CENPP: variants seen among roughly 807,000 people sequenced by gnomAD.
The protein encoded by CENPP is centromere protein P.
In CENPP, 24 loss-of-function variants were observed where a neutral mutation model predicts 35.6. The observed-to-expected ratio is 0.67, with a 90% CI of 0.49 to 0.95. The LOEUF is 0.95. Ranked by LOEUF, CENPP falls within the 40% of genes least tolerant of loss-of-function variation. The probability of loss-of-function intolerance (pLI) is 0.00; values close to 1 mark genes in which losing one functional copy is unlikely to be tolerated. For missense variants in CENPP, 332 were observed against 345.3 expected, an observed-to-expected ratio of 0.96 and a Z score of 0.31; for synonymous variants, 120 against 125.5, an observed-to-expected ratio of 0.96 and a Z score of 0.29.
intron 4 of CENPP, among the ~76,000 whole-genome samples, chr9:92,351,010 A>G (rs1841426178): frequency 6.6e-6 from 1 of 152,210 alleles, no homozygotes; most frequent in African/African-American, 2.4e-5. Flanking sequence ...ACTAACACCT[A>G]CTAACACCCT....
In CENPP at chr9:92,586,589, G is replaced by A. The variant is rs146525424; in HGVS notation, c.565-24725G>A. Among the ~76,000 whole-genome samples, 1,220 of 152,308 alleles carry A rather than the reference G, an allele frequency of 8.0e-3. 23 individuals carry two copies. Among genetic ancestry groups the A allele is most frequent in the African/African-American group, 0.028 (1,152 of 41,566 alleles). On this transcript the variant is annotated intron_variant, in intron 5 of 7. Coordinates refer to ENST00000375587, the MANE Select transcript of CENPP (RefSeq NM_001012267.3). ...AGACTAGCTTTGCACCTCTGCTGGA[G>A]CAAGTAAGGGGTGAGGGCTAAGGCA...
At chr9:92,600,238 T>C in intron 5 of CENPP, 5 of 1,349,528 alleles carry the variant, frequency 3.7e-6, no homozygotes. Flanking sequence ...GGGCGTGGGA[T>C]CTGGCTTCTG....
At chr9:92,512,199 T>C (rs931513900) in intron 5 of CENPP, 7 of 932,256 alleles carry the variant, frequency 7.5e-6, no homozygotes, top group Middle Eastern at 2.2e-4. Flanking sequence ...TGGGCATGTG[T>C]GCATAGATAT....
chr9:92,514,274 C>CTTT (rs1044226766), intron 5 of CENPP, among the ~76,000 whole-genome samples: 22 of 130,746 alleles, frequency 1.7e-4, no homozygotes, highest in African/African-American at 4.2e-4. Flanking sequence ...GAGTCATTTA[C>CTTT]TTTTTTTTTT....
chr9:92,571,773 G>T (rs1476141240), intron 5 of CENPP, among the ~76,000 whole-genome samples: 1 of 152,116 alleles, frequency 6.6e-6, no homozygotes, highest in African/African-American at 2.4e-5. Context: ...CCTGTATTGG[G>T]TGCATATATA....
chr9:92,343,666 C>A (rs898173063), intron 3 of CENPP, among the ~76,000 whole-genome samples: 2 of 152,178 alleles, frequency 1.3e-5, no homozygotes, highest in African/African-American at 4.8e-5. Flanking sequence ...CAAAGTTAAG[C>A]TGGCCACATT....
At chr9:92,386,149 A>G in intron 5 of CENPP, 1 of 1,366,960 alleles carries the variant, frequency 7.3e-7, no homozygotes, top group Non-Finnish European at 1.0e-6. Flanking sequence ...GAGTCACAAG[A>G]TTTTGACTCA....
In CENPP at chr9:92,382,923, G is replaced by A. The variant is rs1324820451; in HGVS notation, c.564+3064G>A. On this transcript the variant is annotated intron_variant, in intron 5 of 7. Coordinates refer to ENST00000375587, the MANE Select transcript of CENPP (RefSeq NM_001012267.3). ...TTTTTTTTTTTTTTTTTTTTAGACA[G>A]AGTCTTGCTCTGTCGCCTAGGCTAG... Among the ~76,000 whole-genome samples, 8 of 112,768 alleles carry A rather than the reference G, an allele frequency of 7.1e-5. No individual in the cohort carries two copies. The Admixed American group carries it at 9.5e-4, about 13-fold the overall frequency. 74.0% of individuals were successfully genotyped at this position (112,768 alleles called of 152,430 possible). A position where few individuals can be genotyped will look rare whatever the true frequency, so the allele number is the denominator to read the frequency against.
intron 5 of CENPP, among the ~76,000 whole-genome samples, chr9:92,598,640 T>C (rs7870111): frequency 6.6e-6 from 1 of 152,072 alleles, no homozygotes; most frequent in Non-Finnish European, 1.5e-5. Context: ...CGGAACACAC[T>C]GTTTCCTGTC....
intron 5 of CENPP, among the ~76,000 whole-genome samples, chr9:92,430,244 A>T (rs1289455803): frequency 6.6e-6 from 1 of 152,236 alleles, no homozygotes; most frequent in Non-Finnish European, 1.5e-5. Flanking sequence ...GGAACTGCTT[A>T]TATCTTTTAT....
At chr9:92,562,350 G>A (rs376732093) in intron 5 of CENPP, among the ~76,000 whole-genome samples, 32 of 151,748 alleles carry the variant, frequency 2.1e-4, no homozygotes, top group African/African-American at 7.5e-4. Flanking sequence ...GATTATAGGC[G>A]CCCACCACCA....
chr9:92,465,151 C>T, intron 5 of CENPP: 1 of 695,772 alleles, frequency 1.4e-6, no homozygotes, highest in Non-Finnish European at 2.5e-6. Context: ...CCTTTAGGCT[C>T]ATTTTCACTC....
chr9:92,340,916 T>C (rs1841094773), intron 3 of CENPP, among the ~76,000 whole-genome samples: 1 of 152,132 alleles, frequency 6.6e-6, no homozygotes, highest in South Asian at 2.1e-4. Context: ...AACCTTAAAC[T>C]CTGACTGCTG....
At chr9:92,480,139 T>C (rs1409231542) in intron 5 of CENPP, among the ~76,000 whole-genome samples, 1 of 152,228 alleles carries the variant, frequency 6.6e-6, no homozygotes, top group African/African-American at 2.4e-5. Context: ...TTCTCAGGAA[T>C]ACTCAATATT....
At chr9:92,422,777 C>T (rs72752471) in intron 5 of CENPP, among the ~76,000 whole-genome samples, 4,708 of 152,216 alleles carry the variant, frequency 0.031, 113 homozygotes, top group South Asian at 0.084. Context: ...GGATAATTTC[C>T]CCTGTTACAA....
chr9:92,391,836 A>G (rs1842700940), intron 5 of CENPP, among the ~76,000 whole-genome samples: 1 of 152,146 alleles, frequency 6.6e-6, no homozygotes, highest in Non-Finnish European at 1.5e-5. Flanking sequence ...TGAAAGCACA[A>G]TGTGTATTAA....
intron 4 of CENPP, among the ~76,000 whole-genome samples, chr9:92,369,429 G>A (rs1422441662): frequency 6.6e-6 from 1 of 152,190 alleles, no homozygotes; most frequent in Non-Finnish European, 1.5e-5. Context: ...AACTGGTAAA[G>A]AGAGAACCTG....
At chr9:92,566,558 G>C (rs555861027) in intron 5 of CENPP, among the ~76,000 whole-genome samples, 1 of 152,260 alleles carries the variant, frequency 6.6e-6, no homozygotes, top group East Asian at 1.9e-4. Flanking sequence ...TTTTGGAGCT[G>C]AGAACTACAA....
Position 92,512,024 on chromosome 9 carries a change from G to A in CENPP, c.565-99290G>A, listed in dbSNP as rs146339911. On this transcript the variant is annotated intron_variant, in intron 5 of 7. Transcript: ENST00000375587. ...GCATGTATTTACCTTGAATGCTTTT[G>A]GACCTATGCCTGAAGAAGTGATATT... 871 of 1,611,558 alleles carry A rather than the reference G, an allele frequency of 5.4e-4. No individual in the cohort carries two copies. The highest frequency in any genetic ancestry group is 7.0e-4 in the Non-Finnish European group (829 of 1,178,552).
Sources: gnomAD v4.1 joint callset for allele counts (sites outside exome capture counted in the v4.1 genomes callset) on GRCh38, gnomAD v4.1.1 for gene constraint, MANE v1.5 for transcripts, NCBI Gene and HGNC (gene_info 2026-07-23, HGNC 2026-07-21) for gene names.